Variants in NAV3 observed in about 807,000 individuals in gnomAD.
NAV3 encodes pore membrane and/or filament interacting like protein 1.
NAV3 carries 87 observed loss-of-function variants against 244.7 expected under a neutral mutation model. The ratio of observed to expected loss-of-function variants is 0.36; its 90% confidence interval spans 0.30 to 0.42. NAV3 has a LOEUF of 0.42. NAV3 is among the 20% of genes least tolerant of loss of function. The pLI is 1.00. For synonymous variants in NAV3, 1,126 were observed against 1,042.2 expected, an observed-to-expected ratio of 1.08 and a Z score of -1.55; for missense variants, 2,663 against 2,893.3, an observed-to-expected ratio of 0.92 and a Z score of 1.83.
At chr12:77,892,883 T>A (rs1419863364) in intron 1 of NAV3, among the ~76,000 whole-genome samples, 3 of 152,172 alleles carry the variant, frequency 2.0e-5, no homozygotes, top group Non-Finnish European at 4.4e-5. Context: ...AAATTTATGT[T>A]GGCTATTAAA....
intron 34 of NAV3, among the ~76,000 whole-genome samples, chr12:78,195,820 T>G (rs1336824304): frequency 6.6e-6 from 1 of 152,072 alleles, no homozygotes; most frequent in Non-Finnish European, 1.5e-5. Flanking sequence ...TTTATGATAT[T>G]ATATTGATAT....
At chr12:78,174,765 T>G (rs1343365956) in intron 24 of NAV3, among the ~76,000 whole-genome samples, 7 of 151,994 alleles carry the variant, frequency 4.6e-5, no homozygotes, top group African/African-American at 1.7e-4. Context: ...GCCAAGTTAC[T>G]TAACTTCTTT....
intron 12 of NAV3, among the ~76,000 whole-genome samples, chr12:78,108,935 C>A (rs182196147): frequency 6.6e-6 from 1 of 151,900 alleles, no homozygotes; most frequent in Admixed American, 6.6e-5. Context: ...CCAAAATCAG[C>A]AGAAGAAACA....
intron 39 of NAV3, among the ~76,000 whole-genome samples, chr12:78,207,576 T>A (rs994800375): frequency 4.6e-5 from 7 of 152,124 alleles, no homozygotes; most frequent in Non-Finnish European, 8.8e-5. Flanking sequence ...TTGAGCTGGA[T>A]CTTGAATGAT....
At chr12:77,698,743 T>C (rs937592350) in intron 2 of NAV3, among the ~76,000 whole-genome samples, 1 of 152,182 alleles carries the variant, frequency 6.6e-6, no homozygotes, top group Admixed American at 6.6e-5. Flanking sequence ...GGTATCCTCC[T>C]GAAGGCTGGT....
intron 2 of NAV3, among the ~76,000 whole-genome samples, chr12:77,823,328 G>T (rs994485095): frequency 2.0e-5 from 3 of 152,184 alleles, no homozygotes; most frequent in African/African-American, 7.2e-5. Flanking sequence ...GATACAAAGA[G>T]ATAGGAGAGA....
intron 2 of NAV3, among the ~76,000 whole-genome samples, chr12:77,756,661 T>A (rs57591266): frequency 0.041 from 6,206 of 152,252 alleles, 414 homozygotes; most frequent in African/African-American, 0.14. Context: ...AATATTTTAG[T>A]CATGCTTTAA....
Position 78,185,688 on chromosome 12 carries a change from G to A in NAV3, c.5780G>A (p.Gly1927Asp), listed in dbSNP as rs746460373. ...ATAGTCTCCATAAGCAAGGGCTATG[G>A]TCGAGCAAAGGTACTTCTTTAATCT... is the stretch of plus-strand genomic sequence containing the variant. ...KIIVSISKGY[G>D]RAKDQKSQAY... The change falls in exon 31 of 40, where the codon GGT becomes GAT. Residue 1927 changes from glycine to aspartate, a missense_variant. Physicochemically the swap from Gly to Asp is moderately conservative, Grantham distance 94 (BLOSUM62 -1). Around this residue, in one of 6 missense-constraint regions of NAV3, gnomAD observed 543 missense variants for 672.4 expected, o/e 0.81. Coordinates refer to ENST00000397909, the MANE Select transcript of NAV3 (RefSeq NM_001024383.2). The A allele has an allele frequency of 1.2e-6, 2 of 1,607,504 alleles. No individual in the cohort carries two copies. The highest frequency in any genetic ancestry group is 1.7e-6 in the Non-Finnish European group (2 of 1,176,782).
At chr12:77,609,278 G>T (rs997966244) in intron 2 of NAV3, among the ~76,000 whole-genome samples, 1 of 151,902 alleles carries the variant, frequency 6.6e-6, no homozygotes, top group Non-Finnish European at 1.5e-5. Context: ...TGCATTTAAG[G>T]CCCCCTCAAC....
Position 78,175,888 on chromosome 12 carries a change from T to C in NAV3, c.5103+461T>C, listed in dbSNP as rs181126175. On this transcript the variant is annotated intron_variant, in intron 25 of 39. Coordinates refer to ENST00000397909, the MANE Select transcript of NAV3 (RefSeq NM_001024383.2). ...AGATGAAGGAAAAGTGAAAAAATGATGATGATGGTGATGATGATGGTGATA... is the reference window on the plus strand; with the variant it reads ...AGATGAAGGAAAAGTGAAAAAATGACGATGATGGTGATGATGATGGTGATA... Among the ~76,000 whole-genome samples, 45 of 133,990 alleles carry C rather than the reference T, an allele frequency of 3.4e-4. No homozygotes were observed. In the East Asian group the frequency reaches 8.2e-3, roughly 24 times the overall value. 87.9% of individuals were successfully genotyped at this position (133,990 alleles called of 152,430 possible). A position where few individuals can be genotyped will look rare whatever the true frequency, so the allele number is the denominator to read the frequency against.
intron 3 of NAV3, among the ~76,000 whole-genome samples, chr12:77,955,766 A>AG (rs1460092872): frequency 6.6e-6 from 1 of 152,162 alleles, no homozygotes; most frequent in Non-Finnish European, 1.5e-5. Flanking sequence ...GTTACCCAGG[A>AG]GGCTGAGGCA....
At chr12:78,151,222 CT>C (rs1236282720) in intron 22 of NAV3, among the ~76,000 whole-genome samples, 1 of 152,040 alleles carries the variant, frequency 6.6e-6, no homozygotes, top group Admixed American at 6.6e-5. Context: ...TTAGTATTAA[CT>C]TTTGCACGCT....
At chr12:78,199,951 CA>C (rs1483550151) in intron 37 of NAV3, among the ~76,000 whole-genome samples, 3 of 152,164 alleles carry the variant, frequency 2.0e-5, no homozygotes, top group East Asian at 3.9e-4. Flanking sequence ...TTCATGAAGA[CA>C]AAACTGTTTT....
At chr12:78,096,991 A>G (rs967446591) in intron 12 of NAV3, among the ~76,000 whole-genome samples, 3 of 152,182 alleles carry the variant, frequency 2.0e-5, no homozygotes. Flanking sequence ...CAGATTAGCA[A>G]CAACAATCTG....
chr12:78,076,275 C>T (rs532901815), intron 12 of NAV3, among the ~76,000 whole-genome samples: 3 of 152,284 alleles, frequency 2.0e-5, no homozygotes, highest in South Asian at 2.1e-4. Flanking sequence ...TGGTTTCCTT[C>T]GTATCTCTTA....
At chr12:77,780,841 A>C (rs533264646) in intron 2 of NAV3, among the ~76,000 whole-genome samples, 3 of 152,036 alleles carry the variant, frequency 2.0e-5, no homozygotes, top group Non-Finnish European at 4.4e-5. Context: ...AGGGGAAGAA[A>C]CCTGTGTAAA....
chr12:78,130,247 G>A (rs1173868577), intron 18 of NAV3: 1 of 156,244 alleles, frequency 6.4e-6, no homozygotes, highest in African/African-American at 2.4e-5. Flanking sequence ...AACTCCTTAG[G>A]GACACAAGTG....
At chr12:78,009,290 C>G (rs1172464668) in intron 8 of NAV3, among the ~76,000 whole-genome samples, 1 of 151,602 alleles carries the variant, frequency 6.6e-6, no homozygotes, top group African/African-American at 2.4e-5. Context: ...AACAACAAGA[C>G]TATAAAAGTG....
At chr12:78,150,999 A>G (rs1057465579) in intron 22 of NAV3, among the ~76,000 whole-genome samples, 3 of 152,052 alleles carry the variant, frequency 2.0e-5, no homozygotes, top group African/African-American at 4.8e-5. Context: ...TTAAAATATC[A>G]CGAAGAAGAG....
Sources: allele counts gnomAD v4.1 joint callset (sites outside exome capture counted in the v4.1 genomes callset), GRCh38; gene constraint gnomAD v4.1.1; regional missense constraint gnomAD v4.1.1; transcripts MANE v1.5; gene names NCBI Gene and HGNC (gene_info 2026-07-23, HGNC 2026-07-21).